Variants in GRM7 observed in about 807,000 individuals in gnomAD.
GRM7 encodes glutamate metabotropic receptor 7, also known as metabotropic glutamate receptor 7.
GRM7 carries 35 observed loss-of-function variants against 84.5 expected under a neutral mutation model. That is an observed-to-expected ratio of 0.41 (90% CI 0.32 to 0.55). The LOEUF (loss-of-function observed/expected upper bound fraction) is 0.55, where lower values mean the gene tolerates loss of function less well. Among genes scored for constraint, GRM7 ranks in the 20% least tolerant of loss-of-function variants. The pLI is 0.19. For synonymous variants in GRM7, 487 were observed against 455.1 expected (o/e 1.07, Z -0.89); for missense variants, 1,003 against 1,194.6 (o/e 0.84, Z 2.36).
intron 1 of GRM7, among the ~76,000 whole-genome samples, chr3:7,004,089 C>G (rs1695102302): frequency 6.6e-6 from 1 of 152,164 alleles, no homozygotes. Context: ...TCCCAAAGGG[C>G]TCAGAACAGA....
intron 1 of GRM7, among the ~76,000 whole-genome samples, chr3:6,988,458 A>G (rs1183805283): frequency 6.6e-6 from 1 of 152,030 alleles, no homozygotes; most frequent in African/African-American, 2.4e-5. Context: ...TATCTTTCTC[A>G]GAGTAATGCA....
intron 7 of GRM7, among the ~76,000 whole-genome samples, chr3:7,577,334 G>A (rs1004208699): frequency 1.3e-5 from 2 of 152,148 alleles, no homozygotes; most frequent in South Asian, 4.1e-4. Flanking sequence ...ATTGTAACAA[G>A]TCCATATGAT....
At chr3:7,167,973 C>CAAAAAAAAAAAAAAAAAAAA (rs60681836) in intron 2 of GRM7, among the ~76,000 whole-genome samples, 2 of 54,610 alleles carry the variant, frequency 3.7e-5, no homozygotes, top group African/African-American at 1.3e-4. Context: ...GACTCTGTCT[C>CAAAAAAAAAAAAAAAAAAAA]AAAAAAAAAA....
At chr3:7,092,875 A>G (rs1698719910) in intron 1 of GRM7, among the ~76,000 whole-genome samples, 1 of 152,136 alleles carries the variant, frequency 6.6e-6, no homozygotes, top group African/African-American at 2.4e-5. Context: ...CTTGAGGCCA[A>G]GAGTTAAGGC....
chr3:7,091,332 A>G (rs1487146852), intron 1 of GRM7, among the ~76,000 whole-genome samples: 1 of 152,210 alleles, frequency 6.6e-6, no homozygotes, highest in Non-Finnish European at 1.5e-5. Context: ...CCAGTGACTT[A>G]AAGTGATGCC....
rs887138407 is a variant in GRM7, at chr3:7,063,679, A to G, written c.520-82773A>G. On this transcript the variant is annotated intron_variant, in intron 1 of 9. Coordinates refer to ENST00000357716, the MANE Select transcript of GRM7 (RefSeq NM_000844.4). ...CTTGGCTAACACATACACCAACTGGAAAAAGAAACTAATTGGCTCATAGGT... is the reference window on the plus strand; with the variant it reads ...CTTGGCTAACACATACACCAACTGGGAAAAGAAACTAATTGGCTCATAGGT... 3.3e-5 allele frequency among the ~76,000 whole-genome samples: 5 copies of G among 151,798 alleles called. No individual in the cohort carries two copies. In the East Asian group the frequency reaches 9.7e-4, roughly 30 times the overall value.
At chr3:7,059,059 G>A (rs1030465727) in intron 1 of GRM7, among the ~76,000 whole-genome samples, 1 of 151,804 alleles carries the variant, frequency 6.6e-6, no homozygotes. Flanking sequence ...ATTTAAGAAT[G>A]TTAGTACAGG....
At chr3:7,451,091 C>T (rs566576110) in intron 5 of GRM7, among the ~76,000 whole-genome samples, 3 of 152,054 alleles carry the variant, frequency 2.0e-5, no homozygotes, top group Non-Finnish European at 4.4e-5. Flanking sequence ...ACAAATGTGC[C>T]GTAGGAAACA....
chr3:7,419,352 A>G (rs1354363162), intron 5 of GRM7, among the ~76,000 whole-genome samples: 1 of 152,168 alleles, frequency 6.6e-6, no homozygotes, highest in East Asian at 1.9e-4. Context: ...TCCAAGGCCC[A>G]GTGACATTTG....
intron 1 of GRM7, among the ~76,000 whole-genome samples, chr3:7,109,605 C>A (rs1214242444): frequency 6.6e-6 from 1 of 152,120 alleles, no homozygotes; most frequent in African/African-American, 2.4e-5. Flanking sequence ...GATTCTCTAG[C>A]ATTTTCCTCC....
intron 1 of GRM7, among the ~76,000 whole-genome samples, chr3:6,939,441 A>G (rs928429213): frequency 6.6e-6 from 1 of 152,230 alleles, no homozygotes. Flanking sequence ...GGATTAAAAA[A>G]AAAAAACAGT....
Position 7,480,165 on chromosome 3 carries a change from G to A in GRM7, c.1515+18443G>A, listed in dbSNP as rs376687865. Among the ~76,000 whole-genome samples, 89 of 152,284 alleles carry A rather than the reference G, an allele frequency of 5.8e-4. 1 individual carries two copies. In the South Asian group the frequency reaches 0.016, roughly 27 times the overall value. ...TCACAGAGTCTAACCAGACAAGAAA[G>A]ATGCTCACAATTATCTACCTAGGTG... is the stretch of plus-strand genomic sequence containing the variant. On this transcript the variant is annotated intron_variant, in intron 7 of 9. Transcript: ENST00000357716.
intron 3 of GRM7, among the ~76,000 whole-genome samples, chr3:7,304,541 T>G (rs2125030873): frequency 6.6e-6 from 1 of 151,992 alleles, no homozygotes; most frequent in Non-Finnish European, 1.5e-5. Context: ...TTTAAAGATT[T>G]ACTCTATTTT....
chr3:6,969,020 G>A (rs1693633833), intron 1 of GRM7, among the ~76,000 whole-genome samples: 1 of 152,026 alleles, frequency 6.6e-6, no homozygotes, highest in South Asian at 2.1e-4. Flanking sequence ...TGTCATGTTA[G>A]TAGCATAAAT....
intron 1 of GRM7, among the ~76,000 whole-genome samples, chr3:6,866,909 G>A (rs1332420918): frequency 2.0e-5 from 3 of 152,264 alleles, no homozygotes; most frequent in Admixed American, 2.0e-4. Flanking sequence ...AGATAAATGG[G>A]AACACTATCT....
At chr3:7,719,822 AC>A (rs1342181915) in intron 9 of GRM7, among the ~76,000 whole-genome samples, 1 of 150,294 alleles carries the variant, frequency 6.7e-6, no homozygotes, top group East Asian at 2.0e-4. Context: ...ACACACACAC[AC>A]ACAGAAATGA....
Position 6,925,970 on chromosome 3 carries a change from G to A in GRM7, c.519+64063G>A, listed in dbSNP as rs13325104. ...ATTTTGTTTATCCCTGTTTTCACTC[G>A]CTTTTGTTTTCTAAAGTTACTTCCC... On this transcript the variant is annotated intron_variant, in intron 1 of 9. Coordinates refer to ENST00000357716, the MANE Select transcript of GRM7 (RefSeq NM_000844.4). 7.9e-3 allele frequency among the ~76,000 whole-genome samples: 1,196 copies of A among 152,000 alleles called. 14 individuals are homozygous for A. Among genetic ancestry groups the A allele is most frequent in the African/African-American group, 0.027 (1,135 of 41,464 alleles).
At position 7,093,676 on chromosome 3, in the gene GRM7, C is replaced by CAAAAAAAAAA. The variant is rs1209938099; in HGVS notation, c.520-52747_520-52738dup. Among the ~76,000 whole-genome samples, 13 of 13,956 alleles carry CAAAAAAAAAA rather than the reference C, an allele frequency of 9.3e-4. 4 individuals are homozygous for CAAAAAAAAAA. Among genetic ancestry groups the CAAAAAAAAAA allele is most frequent in the Admixed American group, 3.4e-3 (2 of 582 alleles). The allele number at this position is 13,956 out of a possible 152,430, so 9.2% of individuals were successfully genotyped here. A position where few individuals can be genotyped will look rare whatever the true frequency, so the allele number is the denominator to read the frequency against. ...TGGGCGATAGAGCAAGACTCTGTCT[C>CAAAAAAAAAA]AAAAAAAAAAAAAAAAAAAAAAAAA... On this transcript the variant is annotated intron_variant, in intron 1 of 9. Coordinates refer to ENST00000357716, the MANE Select transcript of GRM7 (RefSeq NM_000844.4).
Position 7,578,811 on chromosome 3 carries a change from C to T in GRM7, c.1905C>T (p.Gly635=), listed in dbSNP as rs573202834. 9 of 1,614,136 alleles carry T rather than the reference C, an allele frequency of 5.6e-6. 1 individual carries two copies. The highest frequency in any genetic ancestry group is 5.5e-5 in the South Asian group (5 of 91,088). ...GRELSYVLLT[G]IFLCYIITFL... ...AACTCAGCTATGTTCTTTTGACGGG[C>T]ATCTTTCTTTGCTACATCATCACTT... The change falls in exon 8 of 10, where the codon GGC becomes GGT. Residue 635 remains glycine (G), a synonymous_variant. Transcript: ENST00000357716.
Sources: allele counts gnomAD v4.1 joint callset (sites outside exome capture counted in the v4.1 genomes callset), GRCh38; gene constraint gnomAD v4.1.1; transcripts MANE v1.5; gene names NCBI Gene and HGNC (gene_info 2026-07-23, HGNC 2026-07-21).